Variants in INS observed in about 807,000 individuals in gnomAD.
INS encodes preproinsulin.
Under a neutral mutation model 10.5 loss-of-function variants are expected in INS, and 6 were observed. The ratio of observed to expected loss-of-function variants is 0.57; its 90% confidence interval spans 0.31 to 1.13. The LOEUF (loss-of-function observed/expected upper bound fraction) is 1.13, where lower values mean the gene tolerates loss of function less well. INS is among the 50% of genes most tolerant of loss of function. The pLI, the probability that INS is intolerant of heterozygous loss-of-function variation, is 0.05. For synonymous variants in INS, 71 were observed against 62.7 expected, an observed-to-expected ratio of 1.13 and a Z score of -0.63; for missense variants, 109 against 138.6, an observed-to-expected ratio of 0.79 and a Z score of 1.07.
At position 2,160,013 on chromosome 11, in the gene INS, G is replaced by A. The variant is rs5507; in HGVS notation, c.188-16C>T. The A allele has an allele frequency of 1.2e-3, 1,833 of 1,571,286 alleles. 22 individuals are homozygous for A. In the African/African-American group the frequency reaches 0.02, roughly 17 times the overall value. ...ACCTGCCCCACTGCCAGGACGTGCC[G>A]CGCAGAGCAGGTTCCGGAACAGCGG... is the stretch of plus-strand genomic sequence containing the variant. On this transcript the variant is annotated splice_polypyrimidine_tract_variant and intron_variant, in intron 2 of 2. Coordinates refer to ENST00000381330, the MANE Select transcript of INS (RefSeq NM_000207.3).
At chr11:2,160,740 G>C (rs1845871179) in intron 2 of INS, 45 bp downstream of exon 2, 8 of 1,601,958 alleles carry the variant, frequency 5.0e-6, no homozygotes, top group African/African-American at 1.3e-5. Flanking sequence ...CAGGAGCAGG[G>C]GGTGGCTGGG....
In INS at chr11:2,159,953, G is replaced by T; in HGVS notation, c.232C>A (p.Gln78Lys). 6.3e-7 allele frequency: 1 copy of T among 1,594,658 alleles called. No individual in the cohort carries two copies. The highest frequency in any genetic ancestry group is 1.8e-5 in the Admixed American group (1 of 56,930). Reference protein sequence around the residue: ...LGGGPGAGSLQPLALEGSLQK... With the variant: ...LGGGPGAGSLKPLALEGSLQK... ...AGGGACCCCTCCAGGGCCAAGGGCT[G>T]CAGGCTGCCTGCACCAGGGCCCCCG... Residue 78 changes from glutamine to lysine, a missense_variant, in exon 3 of 3, where the codon CAG becomes AAG. This residue lies in a region of INS where 108 missense variants were observed against 118.0 expected (regional missense o/e 0.92). Coordinates refer to ENST00000381330, the MANE Select transcript of INS (RefSeq NM_000207.3).
At chr11:2,160,216 C>T (rs990811973) in intron 2 of INS, among the ~76,000 whole-genome samples, 6 of 152,194 alleles carry the variant, frequency 3.9e-5, no homozygotes, top group African/African-American at 9.6e-5. Flanking sequence ...CTCCTTCCCC[C>T]GCCCCGGGGC....
rs781430273 is a variant in INS, at chr11:2,159,949, G to A, written c.236C>T (p.Pro79Leu). 5.6e-6 allele frequency: 9 copies of A among 1,594,662 alleles called. No homozygotes were observed. In the South Asian group the frequency reaches 8.0e-5, roughly 14 times the overall value. Residue 79 changes from proline (P) to leucine (L), a missense_variant, in exon 3 of 3, where the codon CCC (proline) becomes CTC (leucine). By Grantham distance (98) the Pro-to-Leu change is moderately conservative. This residue lies in a region of INS where 108 missense variants were observed against 118.0 expected (regional missense o/e 0.92). Coordinates refer to ENST00000381330, the MANE Select transcript of INS (RefSeq NM_000207.3). ...CTGCAGGGACCCCTCCAGGGCCAAG[G>A]GCTGCAGGCTGCCTGCACCAGGGCC... ...GGGPGAGSLQ[P>L]LALEGSLQKR...
intron 1 of INS, 65 bp from the exon 2 acceptor site, chr11:2,161,053 C>T: frequency 6.5e-7 from 1 of 1,546,680 alleles, no homozygotes; most frequent in Admixed American, 1.9e-5. Context: ...CCCCTGGGCT[C>T]ACCCCCACAT....
At chr11:2,160,329 G>A (rs534647631) in intron 2 of INS, among the ~76,000 whole-genome samples, 18 of 152,332 alleles carry the variant, frequency 1.2e-4, no homozygotes, top group African/African-American at 4.3e-4. Flanking sequence ...CGTGAGGCCT[G>A]GCGACAGGGG....
chr11:2,161,106 G>T, intron 1 of INS, 62 bp downstream of exon 1: 2 of 1,302,470 alleles, frequency 1.5e-6, no homozygotes, highest in South Asian at 2.9e-5. Context: ...CAGAGCTGGG[G>T]CCTGGGGTCC....
chr11:2,160,090 G>A, intron 2 of INS, 93 bp from the exon 3 acceptor site: 2 of 1,348,656 alleles, frequency 1.5e-6, no homozygotes, highest in South Asian at 1.2e-5. Flanking sequence ...GTGCCCGCCT[G>A]CCCGCCAGCC....
rs758540467 is a variant in INS at position 2,160,879 on chromosome 11, G to A, written c.93C>T (p.Cys31=). The A allele has an allele frequency of 2.6e-5, 42 of 1,612,592 alleles. No individual in the cohort carries two copies. The highest frequency in any genetic ancestry group is 5.3e-5 in the African/African-American group (4 of 74,934). The stretch of plus-strand genomic sequence containing the variant: ...AGAGAGCTTCCACCAGGTGTGAGCC[G>A]CACAGGTGTTGGTTCACAAAGGCTG... ...PAAAFVNQHL[C]GSHLVEALYL... is the part of the protein sequence containing the mutation. The change falls in exon 2 of 3, where the codon TGC becomes TGT. Residue 31 remains cysteine, a synonymous_variant. Transcript: ENST00000381330.
intron 1 of INS, 60 bp from the exon 2 acceptor site, chr11:2,161,048 G>T: frequency 6.4e-7 from 1 of 1,558,440 alleles, no homozygotes; most frequent in Non-Finnish European, 8.7e-7. Context: ...TGGGGCCCCT[G>T]GGCTCACCCC....
rs556809279 is a variant in INS, at chr11:2,160,820, G to A, written c.152C>T (p.Thr51Ile). The change falls in exon 2 of 3, where the codon ACA becomes ATA. Residue 51 changes from threonine to isoleucine, a missense_variant. Thr to Ile is a moderately conservative substitution (Grantham distance 89). This residue lies in a region of INS where 108 missense variants were observed against 118.0 expected (regional missense o/e 0.92). Transcript: ENST00000381330. ...LVCGERGFFYTPKTRREAEDL... is the reference protein window; with the variant it reads ...LVCGERGFFYIPKTRREAEDL... ...CTCTGCCTCCCGGCGGGTCTTGGGT[G>A]TGTAGAAGAAGCCTCGTTCCCCGCA... The A allele has an allele frequency of 1.2e-6, 2 of 1,612,624 alleles. No individual in the cohort carries two copies. The highest frequency in any genetic ancestry group is 2.7e-5 in the African/African-American group (2 of 75,042).
At position 2,160,999 on chromosome 11, in the gene INS, G is replaced by A. The variant is rs563207167; in HGVS notation, c.-17-11C>T. The A allele has an allele frequency of 3.7e-6, 6 of 1,609,516 alleles. No homozygotes were observed. The highest frequency in any genetic ancestry group is 5.1e-6 in the Non-Finnish European group (6 of 1,179,022). On this transcript the variant is annotated splice_polypyrimidine_tract_variant and intron_variant, in intron 1 of 2. Coordinates refer to ENST00000381330, the MANE Select transcript of INS (RefSeq NM_000207.3). ...CAGAAGGACAGTGATCTGGGAGACA[G>A]GCAGGGCTGAGGCAGGCTGAAGGCC... is the stretch of plus-strand genomic sequence containing the variant.
At chr11:2,160,024 G>T (rs200988355) in intron 2 of INS, 27 bp from the exon 3 acceptor site, 30 of 1,564,730 alleles carry the variant, frequency 1.9e-5, no homozygotes, top group African/African-American at 1.7e-4. Flanking sequence ...CGCAGAGCAG[G>T]TTCCGGAACA....
intron 1 of INS, 39 bp from the exon 2 acceptor site, chr11:2,161,027 G>C (rs1845883710): frequency 5.0e-6 from 8 of 1,594,106 alleles, no homozygotes; most frequent in South Asian, 1.1e-5. Context: ...TGAAGGCCAG[G>C]TGCCCTGCCT....
rs1554921030 is a variant in INS at position 2,161,163 on chromosome 11, C to CACAA, written c.-18+4_-18+5insTTGT. 1.4e-6 allele frequency: 1 copy of CACAA among 737,040 alleles called. No homozygotes were observed. The highest frequency in any genetic ancestry group is 1.8e-5 in the African/African-American group (1 of 55,896). The allele number at this position is 737,040 out of a possible 1,614,324, so 45.7% of individuals were successfully genotyped here. On this transcript the variant is annotated splice_donor_region_variant and intron_variant, in intron 1 of 2. Transcript: ENST00000381330. ...CCACCTGACGCAAAGGCCCTTGGAA[C>CACAA]AGACCTGCTTGATGGCCTCTTCTGA...
chr11:2,160,714 T>A (rs909505690), intron 2 of INS, 71 bp downstream of exon 2: 1 of 1,587,870 alleles, frequency 6.3e-7, no homozygotes, highest in Non-Finnish European at 8.6e-7. Flanking sequence ...CTTCTGCCCA[T>A]GCTGGGTGGG....
Position 2,159,981 on chromosome 11 carries a change from C to T in INS, c.204G>A (p.Leu68=), listed in dbSNP as rs774459022. ...AEDLQVGQVE[L]GGGPGAGSLQ... ...GGCTGCCTGCACCAGGGCCCCCGCC[C>T]AGCTCCACCTGCCCCACTGCCAGGA... Residue 68 remains leucine (L), a synonymous_variant, in exon 3 of 3, where the codon CTG becomes CTA. Transcript: ENST00000381330. The T allele has an allele frequency of 6.3e-7, 1 of 1,587,258 alleles. No homozygotes were observed. The highest frequency in any genetic ancestry group is 1.8e-5 in the Admixed American group (1 of 55,886).
At position 2,160,947 on chromosome 11, in the gene INS, G is replaced by A. The variant is rs372122432; in HGVS notation, c.25C>T (p.Pro9Ser). The change falls in exon 2 of 3, where the codon CCC becomes TCC. Residue 9 changes from proline (P) to serine (S), a missense_variant. This residue lies in a region of INS where 108 missense variants were observed against 118.0 expected (regional missense o/e 0.92). Transcript: ENST00000381330. The stretch of plus-strand genomic sequence containing the variant: ...CAGAGGGCCAGCAGCGCCAGCAGGG[G>A]CAGGAGGCGCATCCACAGGGCCATG... Reference protein sequence around the residue: MALWMRLLPLLALLALWGP... With the variant: MALWMRLLSLLALLALWGP... 11 of 1,612,424 alleles carry A rather than the reference G, an allele frequency of 6.8e-6. No individual in the cohort carries two copies. In the East Asian group the frequency reaches 1.3e-4, roughly 20 times the overall value.
chr11:2,160,427 C>T (rs1012059161), intron 2 of INS, among the ~76,000 whole-genome samples: 25 of 152,200 alleles, frequency 1.6e-4, no homozygotes, highest in Non-Finnish European at 2.8e-4. Flanking sequence ...CACCCTGTGA[C>T]CCCAGGTCAC....
Sources: gnomAD v4.1 joint callset for allele counts (sites outside exome capture counted in the v4.1 genomes callset) on GRCh38, gnomAD v4.1.1 for gene constraint, gnomAD v4.1.1 regional missense constraint, MANE v1.5 for transcripts, NCBI Gene and HGNC (gene_info 2026-07-23, HGNC 2026-07-21) for gene names.